The following NPAS3 variants were observed in gnomAD, a reference collection of about 807,000 sequenced individuals.
The protein encoded by NPAS3 is neuronal PAS domain-containing protein 3.
NPAS3 carries 14 observed loss-of-function variants against 73.1 expected under a neutral mutation model. That is an observed-to-expected ratio of 0.19 (90% confidence interval 0.13 to 0.30). NPAS3 has a LOEUF of 0.30. Among genes scored for constraint, NPAS3 ranks in the 10% least tolerant of loss-of-function variants. NPAS3 has a pLI of 1.00. For missense variants in NPAS3, 1,096 were observed against 1,250.0 expected (o/e 0.88, Z 1.86); for synonymous variants, 620 against 541.5 (o/e 1.14, Z -2.01).
chr14:33,485,854 TTC>T (rs2051565140), intron 4 of NPAS3, among the ~76,000 whole-genome samples: 1 of 152,088 alleles, frequency 6.6e-6, no homozygotes, highest in Admixed American at 6.6e-5. Context: ...TTTTTTCACC[TTC>T]TCTCTCTGCC....
intron 1 of NPAS3, among the ~76,000 whole-genome samples, chr14:33,044,220 T>C (rs535575882): frequency 3.3e-5 from 5 of 152,214 alleles, no homozygotes; most frequent in Non-Finnish European, 7.4e-5. Flanking sequence ...ACCAAAATGA[T>C]CAACATTAAA....
intron 6 of NPAS3, among the ~76,000 whole-genome samples, chr14:33,698,463 CT>C (rs1331476536): frequency 6.6e-6 from 1 of 152,148 alleles, no homozygotes; most frequent in African/African-American, 2.4e-5. Flanking sequence ...CACATTAAAG[CT>C]TTTGCCTCGC....
chr14:33,117,586 T>C (rs1012459738), intron 2 of NPAS3, among the ~76,000 whole-genome samples: 2 of 152,128 alleles, frequency 1.3e-5, no homozygotes, highest in Non-Finnish European at 2.9e-5. Context: ...TTTGCAAAAA[T>C]CAAGATCCTT....
chr14:33,018,293 G>A (rs79620737), intron 1 of NPAS3, among the ~76,000 whole-genome samples: 1 of 152,176 alleles, frequency 6.6e-6, no homozygotes, highest in South Asian at 2.1e-4. Context: ...TGATGCTCCA[G>A]TGGCAGAATG....
chr14:33,489,171 T>C (rs1192189918), intron 4 of NPAS3, among the ~76,000 whole-genome samples: 1 of 152,162 alleles, frequency 6.6e-6, no homozygotes, highest in Non-Finnish European at 1.5e-5. Flanking sequence ...TTATTTTTAG[T>C]GGAATTGAAT....
rs368679642 is a variant in NPAS3, at chr14:33,329,651, T to G, written c.386-37535T>G. 1.1e-4 allele frequency among the ~76,000 whole-genome samples: 16 copies of G among 151,906 alleles called. No homozygotes were observed. The East Asian group carries it at 1.2e-3, about 11-fold the overall frequency. ...GTTGGTGGGGTAGGCAGGGGCACGA[T>G]GGGGTAGGCAGGGGCATGATCCTTC... On this transcript the variant is annotated intron_variant, in intron 3 of 11. Coordinates refer to ENST00000356141, the Ensembl canonical transcript of NPAS3.
intron 3 of NPAS3, among the ~76,000 whole-genome samples, chr14:33,237,742 G>T (rs2139812141): frequency 6.6e-6 from 1 of 151,988 alleles, no homozygotes; most frequent in Admixed American, 6.6e-5. Context: ...ATTTTTCTAT[G>T]TTGAAATGTT....
At chr14:33,799,607 G>C in intron 11 of NPAS3, 127 bp from the exon 12 acceptor site, 2 of 914,212 alleles carry the variant, frequency 2.2e-6, no homozygotes, top group South Asian at 3.1e-5. Context: ...CCCGTGATGA[G>C]GACGGACACT....
chr14:33,553,511 T>C (rs1246005624), intron 4 of NPAS3, among the ~76,000 whole-genome samples: 3 of 152,202 alleles, frequency 2.0e-5, no homozygotes, highest in Admixed American at 6.5e-5. Flanking sequence ...TGGATTTATT[T>C]TTTAGCAGAA....
intron 8 of NPAS3, among the ~76,000 whole-genome samples, chr14:33,777,684 G>A (rs1246377218): frequency 6.6e-6 from 1 of 152,162 alleles, no homozygotes; most frequent in East Asian, 1.9e-4. Context: ...TGACATGTTT[G>A]TGTAAACCAG....
intron 3 of NPAS3, among the ~76,000 whole-genome samples, chr14:33,281,011 T>C (rs1003260742): frequency 1.3e-5 from 2 of 152,210 alleles, no homozygotes; most frequent in Admixed American, 6.5e-5. Context: ...TTATTGACTT[T>C]TGTCTGTAAC....
Position 33,669,257 on chromosome 14 carries a change from T to C in NPAS3, c.559-6954T>C, listed in dbSNP as rs185647473. ...TACTATGATGTAACCTCTAACAGCA[T>C]CCTTTTGCCTTCTCAGCACTGTGAT... On this transcript the variant is annotated intron_variant, in intron 5 of 11. Transcript: ENST00000356141. Among the ~76,000 whole-genome samples, 7 of 152,336 alleles carry C rather than the reference T, an allele frequency of 4.6e-5. No homozygotes were observed. In the East Asian group the frequency reaches 1.2e-3, roughly 25 times the overall value.
At chr14:33,164,677 T>C (rs185436212) in intron 2 of NPAS3, among the ~76,000 whole-genome samples, 11 of 152,276 alleles carry the variant, frequency 7.2e-5, no homozygotes, top group Non-Finnish European at 1.3e-4. Flanking sequence ...ATCTTCACAG[T>C]GACTACATAA....
intron 5 of NPAS3, among the ~76,000 whole-genome samples, chr14:33,601,146 A>G (rs1223404306): frequency 6.6e-6 from 1 of 152,230 alleles, no homozygotes; most frequent in African/African-American, 2.4e-5. Context: ...CTATCCATTC[A>G]GAATTTATGT....
At chr14:33,728,206 C>T (rs1056053464) in intron 6 of NPAS3, among the ~76,000 whole-genome samples, 1 of 152,182 alleles carries the variant, frequency 6.6e-6, no homozygotes, top group African/African-American at 2.4e-5. Flanking sequence ...GAAAGGCAAC[C>T]TCATGCATTA....
At chr14:33,165,736 T>A (rs959110458) in intron 2 of NPAS3, among the ~76,000 whole-genome samples, 80 of 152,088 alleles carry the variant, frequency 5.3e-4, no homozygotes, top group African/African-American at 1.8e-3. Flanking sequence ...TGAAGGTACA[T>A]TTTGAAAGAA....
At chr14:33,685,128 G>C (rs568419371) in intron 6 of NPAS3, among the ~76,000 whole-genome samples, 1 of 152,168 alleles carries the variant, frequency 6.6e-6, no homozygotes, top group South Asian at 2.1e-4. Context: ...TCCACGACGT[G>C]TCAGACATAC....
At chr14:33,667,128 C>G (rs528401338) in intron 5 of NPAS3, among the ~76,000 whole-genome samples, 1 of 152,088 alleles carries the variant, frequency 6.6e-6, no homozygotes, top group African/African-American at 2.4e-5. Context: ...AGTTTGCATT[C>G]TTTTCTTTAT....
chr14:33,754,481 G>A (rs1322257593), intron 7 of NPAS3, among the ~76,000 whole-genome samples: 2 of 152,186 alleles, frequency 1.3e-5, no homozygotes, highest in Non-Finnish European at 2.9e-5. Flanking sequence ...AGGAGCAGGG[G>A]AAGAATAGTG....
Sources: allele counts gnomAD v4.1 joint callset (sites outside exome capture counted in the v4.1 genomes callset), GRCh38; gene constraint gnomAD v4.1.1; transcripts MANE v1.5; gene names NCBI Gene and HGNC (gene_info 2026-07-23, HGNC 2026-07-21).